The following HS6ST2 variants were observed in gnomAD, a reference collection of about 807,000 sequenced individuals.
The protein encoded by HS6ST2 is heparan-sulfate 6-O-sulfotransferase 2.
Under a neutral mutation model 33.0 loss-of-function variants are expected in HS6ST2, and 17 were observed. The observed-to-expected ratio is 0.52, with a 90% CI of 0.35 to 0.77. The LOEUF is 0.77. Among genes scored for constraint, HS6ST2 ranks in the 30% least tolerant of loss-of-function variants. The probability of loss-of-function intolerance (pLI) is 0.01; values close to 1 mark genes in which losing one functional copy is unlikely to be tolerated. For synonymous variants in HS6ST2, 248 were observed against 237.1 expected (o/e 1.05, Z -0.42); for missense variants, 519 against 551.7 (o/e 0.94, Z 0.59).
At chrX:132,723,926 G>A (rs750567709) in intron 2 of HS6ST2, among the ~76,000 whole-genome samples, 4 of 111,299 alleles carry the variant, frequency 3.6e-5, no homozygotes, top group Admixed American at 9.6e-5. Context: ...CACAAGGTCA[G>A]GAGATTGAGA....
chrX:132,809,592 G>A (rs764896734), intron 2 of HS6ST2, among the ~76,000 whole-genome samples: 5 of 111,262 alleles, frequency 4.5e-5, no homozygotes, highest in Non-Finnish European at 7.5e-5. Flanking sequence ...CATACAACTG[G>A]CTAAATAACT....
chrX:132,864,937 A>G (rs2065953866), intron 2 of HS6ST2, among the ~76,000 whole-genome samples: 1 of 111,710 alleles, frequency 9.0e-6, no homozygotes, highest in Non-Finnish European at 1.9e-5. Context: ...AAGCCAGAAG[A>G]GAATGGGGGC....
chrX:132,758,417 C>T (rs1339754953), intron 2 of HS6ST2: 1 of 111,984 alleles, frequency 8.9e-6, no homozygotes, highest in Non-Finnish European at 1.9e-5. Context: ...ATATTTCCTT[C>T]TGGAATTCAT....
chrX:132,881,361 A>G (rs2066170787), intron 2 of HS6ST2, among the ~76,000 whole-genome samples: 1 of 111,206 alleles, frequency 9.0e-6, no homozygotes, highest in Non-Finnish European at 1.9e-5. Flanking sequence ...TTTCATTTGC[A>G]TTTCTCTGAT....
At chrX:132,841,275 A>C (rs2065704605) in intron 2 of HS6ST2, among the ~76,000 whole-genome samples, 1 of 111,374 alleles carries the variant, frequency 9.0e-6, no homozygotes, top group Non-Finnish European at 1.9e-5. Flanking sequence ...AAATCAAGAA[A>C]ATATCTATAA....
intron 2 of HS6ST2, 137 bp from the exon 3 acceptor site, chrX:132,708,631 C>T: frequency 3.9e-6 from 2 of 517,858 alleles, no homozygotes; most frequent in Non-Finnish European, 6.4e-6. Context: ...TCATAGATGG[C>T]TTCTCCACTT....
At chrX:132,759,373 G>A (rs1267483716) in intron 2 of HS6ST2, among the ~76,000 whole-genome samples, 1 of 111,559 alleles carries the variant, frequency 9.0e-6, no homozygotes, top group Non-Finnish European at 1.9e-5. Flanking sequence ...GAATATCAGA[G>A]TATATTTCTT....
intron 2 of HS6ST2, among the ~76,000 whole-genome samples, chrX:132,939,963 T>C (rs1482749069): frequency 1.8e-5 from 2 of 111,831 alleles, no homozygotes; most frequent in South Asian, 7.4e-4. Flanking sequence ...AAATTCACAA[T>C]GAAATTCAAG....
At chrX:132,891,380 A>ATTT (rs540174709) in intron 2 of HS6ST2, among the ~76,000 whole-genome samples, 1 of 99,332 alleles carries the variant, frequency 1.0e-5, no homozygotes, top group Non-Finnish European at 2.0e-5. Flanking sequence ...AGTTTTTTTT[A>ATTT]TTTTTTTTTT....
intron 2 of HS6ST2, among the ~76,000 whole-genome samples, chrX:132,812,882 C>T (rs375997122): frequency 1.8e-5 from 2 of 110,594 alleles, no homozygotes; most frequent in East Asian, 5.7e-4. Context: ...CCTTTTGGTC[C>T]TCTTGCTACC....
intron 2 of HS6ST2, among the ~76,000 whole-genome samples, chrX:132,897,871 C>T (rs1306120798): frequency 9.0e-6 from 1 of 111,447 alleles, no homozygotes; most frequent in Non-Finnish European, 1.9e-5. Context: ...CTAAATATCC[C>T]CTTAACCATG....
At chrX:132,811,685 AATATATAT>A (rs56390608) in intron 2 of HS6ST2, among the ~76,000 whole-genome samples, 138 of 29,804 alleles carry the variant, frequency 4.6e-3, no homozygotes, top group African/African-American at 6.5e-3. Flanking sequence ...AAGGCTGAAT[AATATATAT>A]ATATATATAT....
intron 2 of HS6ST2, among the ~76,000 whole-genome samples, chrX:132,886,149 T>C (rs1186477639): frequency 3.6e-5 from 4 of 111,936 alleles, no homozygotes; most frequent in Non-Finnish European, 7.5e-5. Context: ...CTTATAAATA[T>C]GTTCACCACA....
chrX:132,793,384 G>C (rs1241606515), intron 2 of HS6ST2, among the ~76,000 whole-genome samples: 1 of 110,804 alleles, frequency 9.0e-6, no homozygotes, highest in African/African-American at 3.3e-5. Flanking sequence ...TTACATGCCA[G>C]CCCCTGTGCT....
intron 2 of HS6ST2, among the ~76,000 whole-genome samples, chrX:132,907,913 A>G (rs1010596568): frequency 8.9e-6 from 1 of 112,193 alleles, no homozygotes; most frequent in Non-Finnish European, 1.9e-5. Context: ...AAAAGAAAAA[A>G]CACATAAACT....
intron 2 of HS6ST2, among the ~76,000 whole-genome samples, chrX:132,934,591 C>A (rs780547430): frequency 3.6e-5 from 4 of 110,986 alleles, no homozygotes; most frequent in African/African-American, 1.3e-4. Context: ...AGATTAAGCC[C>A]TAGAGAATAC....
At chrX:132,731,360 A>C (rs1005146486) in intron 2 of HS6ST2, among the ~76,000 whole-genome samples, 4 of 111,916 alleles carry the variant, frequency 3.6e-5, no homozygotes, top group Non-Finnish European at 5.6e-5. Context: ...CATAGTTTAT[A>C]GATGAAGAGC....
chrX:132,871,814 A>G (rs2066062155), intron 2 of HS6ST2, among the ~76,000 whole-genome samples: 2 of 110,456 alleles, frequency 1.8e-5, no homozygotes, highest in Non-Finnish European at 3.8e-5. Context: ...TATTATTAGG[A>G]GAAATATCTA....
At chrX:132,918,330 A>G (rs772248042) in intron 2 of HS6ST2, among the ~76,000 whole-genome samples, 6 of 112,208 alleles carry the variant, frequency 5.3e-5, no homozygotes, top group Non-Finnish European at 1.1e-4. Flanking sequence ...AAGTTTCCCA[A>G]ACTGTCCCTT....
Sources: allele counts gnomAD v4.1 joint callset (sites outside exome capture counted in the v4.1 genomes callset), GRCh38; gene constraint gnomAD v4.1.1; transcripts MANE v1.5; gene names NCBI Gene and HGNC (gene_info 2026-07-23, HGNC 2026-07-21).